PCGF6: variants seen among roughly 807,000 people sequenced by gnomAD.
PCGF6 encodes the protein polycomb group ring finger 6, also known as polycomb group RING finger protein 6.
PCGF6 carries 24 observed loss-of-function variants against 45.5 expected under a neutral mutation model. The ratio of observed to expected loss-of-function variants is 0.53; its 90% CI spans 0.38 to 0.74. The LOEUF (loss-of-function observed/expected upper bound fraction) is 0.74. PCGF6 is among the 30% of genes least tolerant of loss of function. The pLI, the probability that PCGF6 is intolerant of heterozygous loss-of-function variation, is 0.00. For synonymous variants in PCGF6, 152 were observed against 162.1 expected (o/e 0.94, Z 0.47); for missense variants, 356 against 443.2 (o/e 0.80, Z 1.77).
chr10:103,333,977 C>G, intron 6 of PCGF6, 25 bp from the exon 7 acceptor site: 1 of 1,472,990 alleles, frequency 6.8e-7, no homozygotes, highest in Non-Finnish European at 9.1e-7. Flanking sequence ...CAAAATTAAT[C>G]AATATTTAAT....
At chr10:103,345,828 CAA>C (rs542683602) in intron 5 of PCGF6, among the ~76,000 whole-genome samples, 5 of 123,232 alleles carry the variant, frequency 4.1e-5, no homozygotes, top group Admixed American at 2.5e-4. Flanking sequence ...AACTCTGTCT[CAA>C]AAAAAAAAAA....
chr10:103,311,755 C>T (rs1260762461), intron 9 of PCGF6, among the ~76,000 whole-genome samples: 1 of 152,056 alleles, frequency 6.6e-6, no homozygotes, highest in African/African-American at 2.4e-5. Flanking sequence ...TCACACCACA[C>T]AGCCCTAAGA....
chr10:103,343,190 A>C (rs2093287221), intron 6 of PCGF6, among the ~76,000 whole-genome samples: 1 of 152,022 alleles, frequency 6.6e-6, no homozygotes, highest in East Asian at 1.9e-4. Flanking sequence ...GGCCTCCCAA[A>C]GTGCTGGGAT....
At chr10:103,320,048 C>T (rs1391762607) in intron 8 of PCGF6, among the ~76,000 whole-genome samples, 2 of 151,820 alleles carry the variant, frequency 1.3e-5, no homozygotes, top group South Asian at 2.1e-4. Flanking sequence ...CCTCGTGATC[C>T]GCCCGCCTCA....
chr10:103,312,885 C>T (rs1015500636), intron 9 of PCGF6, among the ~76,000 whole-genome samples: 1 of 151,982 alleles, frequency 6.6e-6, no homozygotes, highest in Non-Finnish European at 1.5e-5. Context: ...GGCGTGAACC[C>T]GGGAGGCGGA....
At chr10:103,331,972 T>A (rs1236341188) in intron 7 of PCGF6, among the ~76,000 whole-genome samples, 1 of 151,766 alleles carries the variant, frequency 6.6e-6, no homozygotes, top group African/African-American at 2.4e-5. Flanking sequence ...TTTTTTGTAT[T>A]TTTAGTAGAG....
chr10:103,326,611 G>T lies in PCGF6; in HGVS notation c.832C>A (p.Arg278=). The T allele has an allele frequency of 6.2e-7, 1 of 1,608,668 alleles. No individual in the cohort carries two copies. Reference sequence around the variant, plus strand: ...CCAATAGTTGCTTCTCCTGAAACTCGAACAAACTTCTTTTCCAATGGCTAC... The same window carrying T: ...CCAATAGTTGCTTCTCCTGAAACTCTAACAAACTTCTTTTCCAATGGCTAC... ...HFKPLEKKFV[R]VSGEATIGHV... The change falls in exon 8 of 10, where the codon CGA becomes AGA. Residue 278 remains arginine, a synonymous_variant. Transcript: ENST00000369847.
At chr10:103,305,978 A>G (rs902368811) in intron 9 of PCGF6, among the ~76,000 whole-genome samples, 4 of 151,988 alleles carry the variant, frequency 2.6e-5, no homozygotes, top group Non-Finnish European at 5.9e-5. Context: ...CCCCCATACT[A>G]TATGATTCCA....
intron 9 of PCGF6, among the ~76,000 whole-genome samples, chr10:103,309,254 T>C (rs1564722451): frequency 6.6e-6 from 1 of 152,028 alleles, no homozygotes; most frequent in Non-Finnish European, 1.5e-5. Context: ...CCCCACCAAA[T>C]CTCATGTTGA....
intron 9 of PCGF6, among the ~76,000 whole-genome samples, chr10:103,310,866 T>G (rs1174742504): frequency 1.3e-5 from 2 of 151,926 alleles, no homozygotes; most frequent in Non-Finnish European, 2.9e-5. Context: ...CCACACCTGG[T>G]TAATTTTTGT....
Position 103,312,959 on chromosome 10 carries a change from TCAAAAACAAAAACAAAAA to T in PCGF6, c.996+1209_996+1226del, listed in dbSNP as rs144077726. On this transcript the variant is annotated intron_variant, in intron 9 of 9. Transcript: ENST00000369847. Reference sequence around the variant, plus strand: ...CTGGGCGACAGAGCGAGACTCCGTCTCAAAAACAAAAACAAAAACAAAAACAAAAACAAAAACAACTTT... The same window carrying T: ...CTGGGCGACAGAGCGAGACTCCGTCTCAAAAACAAAAACAAAAACAACTTT... Among the ~76,000 whole-genome samples, 10 of 150,412 alleles carry T rather than the reference TCAAAAACAAAAACAAAAA, an allele frequency of 6.6e-5. No individual in the cohort carries two copies. The South Asian group carries it at 1.1e-3, about 16-fold the overall frequency.
At chr10:103,341,177 C>T (rs1479250134) in intron 6 of PCGF6, among the ~76,000 whole-genome samples, 17 of 151,240 alleles carry the variant, frequency 1.1e-4, no homozygotes, top group Admixed American at 2.0e-4. Flanking sequence ...TGCGGTGAGC[C>T]GAGATTGCGC....
chr10:103,319,127 C>T (rs1009100192), intron 8 of PCGF6, among the ~76,000 whole-genome samples: 9 of 152,106 alleles, frequency 5.9e-5, no homozygotes, highest in Non-Finnish European at 2.9e-5. Flanking sequence ...TTTGATAAGC[C>T]ACACTGGCTC....
intron 7 of PCGF6, among the ~76,000 whole-genome samples, chr10:103,329,319 C>A (rs1041679104): frequency 6.6e-6 from 1 of 151,598 alleles, no homozygotes; most frequent in Non-Finnish European, 1.5e-5. Flanking sequence ...GGATTACAGG[C>A]GTGAGCCACC....
rs536270118 is a variant in PCGF6, at chr10:103,321,495, C to T, written c.909+5039G>A. Among the ~76,000 whole-genome samples the T allele has an allele frequency of 1.4e-4, 22 of 152,134 alleles. 1 individual carries two copies. The South Asian group carries it at 3.7e-3, about 26-fold the overall frequency. The stretch of plus-strand genomic sequence containing the variant: ...TTGGGAGGCCAAGGTGGGCGGATCA[C>T]GAGGTCAGGAGATCGAGATCATCCT... On this transcript the variant is annotated intron_variant, in intron 8 of 9. Coordinates refer to ENST00000369847, the MANE Select transcript of PCGF6 (RefSeq NM_001011663.2).
chr10:103,318,779 T>C (rs1300924330), intron 8 of PCGF6, among the ~76,000 whole-genome samples: 1 of 151,998 alleles, frequency 6.6e-6, no homozygotes, highest in Admixed American at 6.6e-5. Flanking sequence ...AAAGTTGGTT[T>C]TGTTGGCACT....
At chr10:103,347,784 G>C (rs990710229) in intron 3 of PCGF6, among the ~76,000 whole-genome samples, 2 of 152,062 alleles carry the variant, frequency 1.3e-5, no homozygotes, top group African/African-American at 4.8e-5. Context: ...CACTTCCTAG[G>C]CTTAGGTGGA....
At position 103,348,820 on chromosome 10, in the gene PCGF6, A is replaced by T; in HGVS notation, c.461-8T>A. Reference sequence around the variant, plus strand: ...CGATGCAGCTTTTACAAACTGTTGAAAAAGAATGTTGAAGTCAGGATGCTT... The same window carrying T: ...CGATGCAGCTTTTACAAACTGTTGATAAAGAATGTTGAAGTCAGGATGCTT... On this transcript the variant is annotated splice_region_variant and splice_polypyrimidine_tract_variant and intron_variant, in intron 2 of 9. Coordinates refer to ENST00000369847, the MANE Select transcript of PCGF6 (RefSeq NM_001011663.2). 6.2e-7 allele frequency: 1 copy of T among 1,608,874 alleles called. No individual in the cohort carries two copies. Among genetic ancestry groups the T allele is most frequent in the South Asian group, 1.1e-5 (1 of 89,830 alleles).
chr10:103,337,271 T>C (rs941362802), intron 6 of PCGF6, among the ~76,000 whole-genome samples: 59 of 152,180 alleles, frequency 3.9e-4, no homozygotes, highest in African/African-American at 1.4e-3. Context: ...GTATCACACA[T>C]CTCCTAAGAC....
Sources: gnomAD v4.1 joint callset for allele counts (sites outside exome capture counted in the v4.1 genomes callset) on GRCh38, gnomAD v4.1.1 for gene constraint, MANE v1.5 for transcripts, NCBI Gene and HGNC (gene_info 2026-07-23, HGNC 2026-07-21) for gene names.